The following CELF4 variants were observed in gnomAD, a reference collection of about 807,000 sequenced individuals.
CELF4 encodes CUGBP Elav-like family member 4.
In CELF4, 18 loss-of-function variants were observed where a neutral mutation model predicts 59.9. The observed-to-expected ratio is 0.30, with a 90% CI of 0.21 to 0.45. The LOEUF (loss-of-function observed/expected upper bound fraction) is 0.45. Ranked by LOEUF, CELF4 falls within the 20% of genes least tolerant of loss-of-function variation. The pLI is 1.00. For missense variants in CELF4, 456 were observed against 689.0 expected (o/e 0.66, Z 3.79); for synonymous variants, 261 against 267.1 (o/e 0.98, Z 0.22).
At chr18:37,359,440 C>A (rs937433010) in intron 2 of CELF4, among the ~76,000 whole-genome samples, 3 of 152,142 alleles carry the variant, frequency 2.0e-5, no homozygotes, top group African/African-American at 7.2e-5. Flanking sequence ...CTCCTAGACT[C>A]AAATGATCCT....
intron 2 of CELF4, among the ~76,000 whole-genome samples, chr18:37,378,525 A>G (rs1199426114): frequency 6.6e-6 from 1 of 152,246 alleles, no homozygotes; most frequent in Non-Finnish European, 1.5e-5. Flanking sequence ...GTTATTAACA[A>G]CCGCATCCTT....
At chr18:37,446,398 G>C (rs1482914369) in intron 2 of CELF4, among the ~76,000 whole-genome samples, 1 of 152,268 alleles carries the variant, frequency 6.6e-6, no homozygotes, top group East Asian at 1.9e-4. Context: ...TGGGGGTGCT[G>C]TTGGGCTCCC....
In CELF4 at chr18:37,295,042, G is replaced by A. The variant is rs546471176; in HGVS notation, c.449-19799C>T. 5.3e-4 allele frequency among the ~76,000 whole-genome samples: 80 copies of A among 152,262 alleles called. 1 individual carries two copies. Among genetic ancestry groups the A allele is most frequent in the Middle Eastern group, 3.4e-3 (1 of 294 alleles). ...TTGTTTGTCTTTCTGGACCATGTAGGTGAACTGCAATTCTCTTTCTGTCTC... is the reference window on the plus strand; with the variant it reads ...TTGTTTGTCTTTCTGGACCATGTAGATGAACTGCAATTCTCTTTCTGTCTC... On this transcript the variant is annotated intron_variant, in intron 3 of 12. Transcript: ENST00000420428.
At chr18:37,470,953 C>T (rs2099823083) in intron 2 of CELF4, among the ~76,000 whole-genome samples, 1 of 138,660 alleles carries the variant, frequency 7.2e-6, no homozygotes, top group Admixed American at 7.5e-5. Context: ...TATTATAAAT[C>T]TGAATGTCAA....
At chr18:37,494,775 A>AGTGTCTGAG (rs1411571579) in intron 1 of CELF4, among the ~76,000 whole-genome samples, 1 of 152,132 alleles carries the variant, frequency 6.6e-6, no homozygotes, top group Non-Finnish European at 1.5e-5. Context: ...AGCCCTAGGC[A>AGTGTCTGAG]GTGTCTGAGG....
At chr18:37,476,521 G>A (rs1267876765) in intron 2 of CELF4, among the ~76,000 whole-genome samples, 2 of 152,112 alleles carry the variant, frequency 1.3e-5, no homozygotes, top group Admixed American at 6.5e-5. Flanking sequence ...TACAACAGCC[G>A]TTTTCATGAG....
chr18:37,416,200 A>T (rs5004988), intron 2 of CELF4, among the ~76,000 whole-genome samples: 2 of 97,190 alleles, frequency 2.1e-5, no homozygotes, highest in Admixed American at 2.2e-4. Flanking sequence ...CCATCCGTCC[A>T]TCCATCCATC....
At chr18:37,518,240 A>T (rs2099953143) in intron 1 of CELF4, among the ~76,000 whole-genome samples, 1 of 152,136 alleles carries the variant, frequency 6.6e-6, no homozygotes, top group Admixed American at 6.5e-5. Context: ...CAAGCGTAAT[A>T]TTACCCCTAA....
At chr18:37,398,143 GGA>G (rs1186835405) in intron 2 of CELF4, among the ~76,000 whole-genome samples, 1 of 152,170 alleles carries the variant, frequency 6.6e-6, no homozygotes, top group African/African-American at 2.4e-5. Context: ...CTTGCTGTTG[GGA>G]GAGAGTGAAG....
intron 1 of CELF4, among the ~76,000 whole-genome samples, chr18:37,538,663 G>A (rs1210707145): frequency 1.3e-5 from 2 of 152,204 alleles, no homozygotes; most frequent in African/African-American, 4.8e-5. Flanking sequence ...ATTGTCGCTT[G>A]TGGGTTGGTC....
At chr18:37,546,062 G>A (rs940219761) in intron 1 of CELF4, among the ~76,000 whole-genome samples, 1 of 152,104 alleles carries the variant, frequency 6.6e-6, no homozygotes, top group African/African-American at 2.4e-5. Flanking sequence ...CCCTCAAAAA[G>A]ACACCCACGC....
chr18:37,447,270 C>T (rs752743071), intron 2 of CELF4, among the ~76,000 whole-genome samples: 23 of 152,188 alleles, frequency 1.5e-4, no homozygotes, highest in African/African-American at 2.9e-4. Flanking sequence ...GAGAGGCTCC[C>T]TCTTGATTAC....
rs1336353125 is a variant in CELF4 at position 37,339,606 on chromosome 18, T to C, written c.370-17725A>G. Among the ~76,000 whole-genome samples the C allele has an allele frequency of 5.9e-5, 9 of 151,892 alleles. No homozygotes were observed. In the East Asian group the frequency reaches 1.7e-3, roughly 29 times the overall value. ...CCATCTCTACTAAAAATACAAAACA[T>C]AACCAGGTGTGATAGCACACATCTG... is the stretch of plus-strand genomic sequence containing the variant. On this transcript the variant is annotated intron_variant, in intron 2 of 12. Coordinates refer to ENST00000420428, the MANE Select transcript of CELF4 (RefSeq NM_020180.4).
At chr18:37,510,803 C>T (rs757940314) in intron 1 of CELF4, among the ~76,000 whole-genome samples, 2 of 152,322 alleles carry the variant, frequency 1.3e-5, no homozygotes, top group South Asian at 4.1e-4. Context: ...CACATGCTCC[C>T]CCTTTCACCA....
At chr18:37,380,917 C>A (rs2099032197) in intron 2 of CELF4, among the ~76,000 whole-genome samples, 1 of 151,646 alleles carries the variant, frequency 6.6e-6, no homozygotes, top group Non-Finnish European at 1.5e-5. Context: ...TCCACCTATT[C>A]CTCCATTCAT....
At chr18:37,422,881 C>T (rs1389384616) in intron 2 of CELF4, among the ~76,000 whole-genome samples, 2 of 152,210 alleles carry the variant, frequency 1.3e-5, no homozygotes, top group Non-Finnish European at 2.9e-5. Flanking sequence ...CCCATGAATG[C>T]TTCTCGCTTC....
At chr18:37,350,592 C>T (rs923800598) in intron 2 of CELF4, among the ~76,000 whole-genome samples, 5 of 152,180 alleles carry the variant, frequency 3.3e-5, no homozygotes, top group Admixed American at 2.0e-4. Context: ...TGAAATTTCC[C>T]GAGGCCACCA....
intron 2 of CELF4, among the ~76,000 whole-genome samples, chr18:37,352,612 TA>T (rs201064680): frequency 2.7e-5 from 4 of 150,480 alleles, no homozygotes; most frequent in Non-Finnish European, 5.9e-5. Context: ...AAATTAAAAA[TA>T]AAAAAAAGAA....
intron 2 of CELF4, among the ~76,000 whole-genome samples, chr18:37,447,030 TG>T (rs1444105605): frequency 6.6e-6 from 1 of 152,092 alleles, no homozygotes; most frequent in African/African-American, 2.4e-5. Context: ...CAGCAGTGTG[TG>T]ATCAGTTGCA....
Sources: gnomAD v4.1 joint callset for allele counts (sites outside exome capture counted in the v4.1 genomes callset) on GRCh38, gnomAD v4.1.1 for gene constraint, MANE v1.5 for transcripts, NCBI Gene and HGNC (gene_info 2026-07-23, HGNC 2026-07-21) for gene names.